NSL1: variants seen among roughly 807,000 people sequenced by gnomAD.
The protein encoded by NSL1 is kinetochore-associated protein NSL1 homolog.
NSL1 carries 11 observed loss-of-function variants against 25.4 expected under a neutral mutation model. The observed-to-expected ratio is 0.43, with a 90% CI of 0.27 to 0.72. NSL1 has a LOEUF of 0.72. Among genes scored for constraint, NSL1 ranks in the 30% least tolerant of loss-of-function variants. NSL1 has a pLI of 0.19. For missense variants in NSL1, 330 were observed against 342.7 expected (o/e 0.96, Z 0.29); for synonymous variants, 118 against 120.6 (o/e 0.98, Z 0.14).
chr1:212,733,192 C>T lies in NSL1; in HGVS notation c.*5216G>A, dbSNP rs1203773721. 6.6e-6 allele frequency among the ~76,000 whole-genome samples: 1 copy of T among 152,152 alleles called. No homozygotes were observed. Among genetic ancestry groups the T allele is most frequent in the East Asian group, 1.9e-4 (1 of 5,196 alleles). On this transcript the variant is annotated 3_prime_UTR_variant, in exon 6 of 6. Transcript: ENST00000366977. The stretch of plus-strand genomic sequence containing the variant: ...AGTGGCTCACGCCTGTAATCCAGCA[C>T]TTTGGGAGGCAGAGGTGGGCGGATC...
chr1:212,728,568 G>A lies in NSL1; in HGVS notation c.*9840C>T. On this transcript the variant is annotated 3_prime_UTR_variant, in exon 6 of 6. Transcript: ENST00000366977. ...TTTTTTCAAATCAGATTTACAGAGGGATAGAAATGAGAAAAGGAGTTTTAT... is the reference window on the plus strand; with the variant it reads ...TTTTTTCAAATCAGATTTACAGAGGAATAGAAATGAGAAAAGGAGTTTTAT... 1 of 985,406 alleles carries A rather than the reference G, an allele frequency of 1.0e-6. No individual in the cohort carries two copies. Among genetic ancestry groups the A allele is most frequent in the Non-Finnish European group, 1.2e-6 (1 of 829,932 alleles). 61.0% of individuals were successfully genotyped at this position (985,406 alleles called of 1,614,324 possible). A position where few individuals can be genotyped will look rare whatever the true frequency, so the allele number is the denominator to read the frequency against.
chr1:212,770,469 G>GA (rs1457008749), intron 4 of NSL1, among the ~76,000 whole-genome samples: 1 of 150,798 alleles, frequency 6.6e-6, no homozygotes, highest in East Asian at 1.9e-4. Flanking sequence ...ATTGAACCAG[G>GA]AAAAAAACAA....
rs1658026642 is a variant in NSL1, at chr1:212,731,819, G to A, written c.*6589C>T. The A allele has an allele frequency of 1.0e-6, 1 of 985,244 alleles. No individual in the cohort carries two copies. Among genetic ancestry groups the A allele is most frequent in the African/African-American group, 1.7e-5 (1 of 57,214 alleles). The allele number at this position is 985,244 out of a possible 1,614,324, so 61.0% of individuals were successfully genotyped here. On this transcript the variant is annotated 3_prime_UTR_variant, in exon 6 of 6. Transcript: ENST00000366977. The stretch of plus-strand genomic sequence containing the variant: ...TGTTACAAACATATGGATTGTACTG[G>A]TTGGCACAGAAGCCTCCTCACTATC...
intron 1 of NSL1, among the ~76,000 whole-genome samples, chr1:212,790,273 CGCCTCG>C (rs1434244335): frequency 1.3e-5 from 2 of 152,080 alleles, no homozygotes; most frequent in Non-Finnish European, 2.9e-5. Context: ...GTGATCCGCC[CGCCTCG>C]GCCTCCCAAA....
At chr1:212,787,049 G>A (rs1234755153) in intron 2 of NSL1, among the ~76,000 whole-genome samples, 1 of 151,842 alleles carries the variant, frequency 6.6e-6, no homozygotes, top group Non-Finnish European at 1.5e-5. Flanking sequence ...TGTAATCCCA[G>A]CAACTAGGGA....
chr1:212,784,267 CA>C (rs1382089178), intron 3 of NSL1, 95 bp downstream of exon 3: 2 of 802,654 alleles, frequency 2.5e-6, no homozygotes, highest in Middle Eastern at 3.8e-4. Flanking sequence ...AAGAAAAAGA[CA>C]ACAAAATGTC....
At chr1:212,786,147 C>A (rs1172515313) in intron 2 of NSL1, among the ~76,000 whole-genome samples, 1 of 151,458 alleles carries the variant, frequency 6.6e-6, no homozygotes. Context: ...GAGAGAGACA[C>A]ACACAGATTG....
chr1:212,745,166 A>G (rs1157566734), intron 4 of NSL1, among the ~76,000 whole-genome samples: 2 of 23,612 alleles, frequency 8.5e-5, no homozygotes, highest in Non-Finnish European at 2.3e-4. Context: ...CAAACTATAT[A>G]TATATATATA....
At chr1:212,757,007 C>T (rs1444127658) in intron 4 of NSL1, among the ~76,000 whole-genome samples, 1 of 152,140 alleles carries the variant, frequency 6.6e-6, no homozygotes, top group Non-Finnish European at 1.5e-5. Context: ...ATAAGAGAAT[C>T]TGACACAGGT....
intron 4 of NSL1, among the ~76,000 whole-genome samples, chr1:212,775,839 T>C (rs1660339549): frequency 6.6e-6 from 1 of 151,960 alleles, no homozygotes; most frequent in Admixed American, 6.5e-5. Context: ...TTTTTTTTGT[T>C]TTTTTTGAGA....
At chr1:212,768,712 G>A (rs6670648) in intron 4 of NSL1, among the ~76,000 whole-genome samples, 31,001 of 151,924 alleles carry the variant, frequency 0.2, 3,983 homozygotes, top group African/African-American at 0.37. Context: ...AGACTTTAGG[G>A]ACTCTTTGGG....
At chr1:212,769,742 AC>A (rs1660007635) in intron 4 of NSL1, among the ~76,000 whole-genome samples, 2 of 152,190 alleles carry the variant, frequency 1.3e-5, no homozygotes, top group Non-Finnish European at 2.9e-5. Flanking sequence ...TGTTACCACT[AC>A]AGAAAACCAC....
In NSL1 at chr1:212,779,241, G is replaced by C. The variant is rs530262054; in HGVS notation, c.499+3131C>G. On this transcript the variant is annotated intron_variant, in intron 4 of 5. Coordinates refer to ENST00000366977, the MANE Select transcript of NSL1 (RefSeq NM_015471.4). Reference sequence around the variant, plus strand: ...CGTCTGGGAGGGAGGTGGGGGGTGGGGTCAGCCCCCCTCCCGGCCAGCCGC... The same window carrying C: ...CGTCTGGGAGGGAGGTGGGGGGTGGCGTCAGCCCCCCTCCCGGCCAGCCGC... Among the ~76,000 whole-genome samples, 79 of 145,368 alleles carry C rather than the reference G, an allele frequency of 5.4e-4. 1 individual carries two copies. The Middle Eastern group carries it at 0.016, about 30-fold the overall frequency.
intron 4 of NSL1, among the ~76,000 whole-genome samples, chr1:212,778,582 G>C (rs1044316177): frequency 6.6e-6 from 1 of 152,088 alleles, no homozygotes; most frequent in African/African-American, 2.4e-5. Flanking sequence ...TATTTTTTTG[G>C]TGGAGACGGG....
chr1:212,743,468 G>GT (rs34183694), intron 4 of NSL1, among the ~76,000 whole-genome samples: 45,208 of 142,288 alleles, frequency 0.32, 7,995 homozygotes, highest in Non-Finnish European at 0.4. Context: ...TGGCTTATTT[G>GT]TTTTTTTTTT....
intron 4 of NSL1, among the ~76,000 whole-genome samples, chr1:212,752,889 C>CAAAAAAAAAAAAAAAA (rs11284993): frequency 7.5e-6 from 1 of 133,954 alleles, no homozygotes; most frequent in African/African-American, 2.6e-5. Flanking sequence ...AGAAATTCAG[C>CAAAAAAAAAAAAAAAA]AAAAAAAAAA....
intron 4 of NSL1, among the ~76,000 whole-genome samples, chr1:212,762,322 A>AAAG (rs1553252918): frequency 3.3e-5 from 5 of 150,200 alleles, no homozygotes; most frequent in Admixed American, 1.3e-4. Flanking sequence ...AAAAAAAAAA[A>AAAG]AAAAGAAAAG....
Position 212,727,033 on chromosome 1 carries a change from T to C in NSL1, c.*11375A>G. The C allele has an allele frequency of 7.1e-7, 1 of 1,417,014 alleles. No homozygotes were observed. Among genetic ancestry groups the C allele is most frequent in the Non-Finnish European group, 9.5e-7 (1 of 1,048,398 alleles). The allele number at this position is 1,417,014 out of a possible 1,614,324, so 87.8% of individuals were successfully genotyped here. On this transcript the variant is annotated 3_prime_UTR_variant, in exon 6 of 6. Transcript: ENST00000366977. ...GTCCAGTCTACTCCGGCCTTGGAGATGACTGCCGAGAGAGGGAGGGCGGGC... is the reference window on the plus strand; with the variant it reads ...GTCCAGTCTACTCCGGCCTTGGAGACGACTGCCGAGAGAGGGAGGGCGGGC...
At chr1:212,742,620 A>G (rs1266875504) in intron 4 of NSL1, among the ~76,000 whole-genome samples, 1 of 152,170 alleles carries the variant, frequency 6.6e-6, no homozygotes, top group Non-Finnish European at 1.5e-5. Flanking sequence ...CATTAACTTA[A>G]AAAGACTTCA....
Sources: allele counts gnomAD v4.1 joint callset (sites outside exome capture counted in the v4.1 genomes callset), GRCh38; gene constraint gnomAD v4.1.1; transcripts MANE v1.5; gene names NCBI Gene and HGNC (gene_info 2026-07-23, HGNC 2026-07-21).